The following MAP3K13 variants were observed in gnomAD, a reference collection of about 807,000 sequenced individuals.
The protein encoded by MAP3K13 is leucine zipper-bearing kinase.
A neutral mutation model predicts 104.0 loss-of-function variants in MAP3K13; 52 were observed. The observed-to-expected ratio is 0.50, with a 90% confidence interval of 0.40 to 0.63. MAP3K13 has a LOEUF of 0.63. Among genes scored for constraint, MAP3K13 ranks in the 20% least tolerant of loss-of-function variants. The probability of loss-of-function intolerance (pLI) is 0.00; values close to 1 mark genes in which losing one functional copy is unlikely to be tolerated. For synonymous variants in MAP3K13, 394 were observed against 442.2 expected (o/e 0.89, Z 1.37); for missense variants, 914 against 1,218.5 (o/e 0.75, Z 3.72).
intron 2 of MAP3K13, among the ~76,000 whole-genome samples, chr3:185,293,826 G>C (rs920690805): frequency 6.6e-6 from 1 of 151,970 alleles, no homozygotes; most frequent in Non-Finnish European, 1.5e-5. Flanking sequence ...GCTACTACTC[G>C]TGACAAAGAA....
chr3:185,447,980 A>AG, intron 5 of MAP3K13, 33 bp downstream of exon 5: 1 of 1,588,762 alleles, frequency 6.3e-7, no homozygotes, highest in Non-Finnish European at 8.6e-7. Flanking sequence ...CCAACTAAAA[A>AG]GCCTTTTCCC....
At chr3:185,381,353 G>A (rs1724713446) in intron 1 of MAP3K13, among the ~76,000 whole-genome samples, 1 of 152,198 alleles carries the variant, frequency 6.6e-6, no homozygotes, top group Admixed American at 6.5e-5. Flanking sequence ...GGGAAATATA[G>A]TTAGTTAATC....
chr3:185,388,557 T>C (rs1577497066), intron 1 of MAP3K13, among the ~76,000 whole-genome samples: 1 of 152,122 alleles, frequency 6.6e-6, no homozygotes, highest in South Asian at 2.1e-4. Context: ...TGGACAGCTA[T>C]CACATGCTCA....
At chr3:185,284,248 T>G (rs928888525) in intron 1 of MAP3K13, among the ~76,000 whole-genome samples, 20 of 150,956 alleles carry the variant, frequency 1.3e-4, no homozygotes, top group African/African-American at 5.0e-4. Context: ...TGAGAATATA[T>G]CTTATATTTT....
intron 10 of MAP3K13, among the ~76,000 whole-genome samples, chr3:185,471,831 C>G (rs1365823501): frequency 6.6e-6 from 1 of 152,154 alleles, no homozygotes; most frequent in African/African-American, 2.4e-5. Flanking sequence ...TTTAATTGTG[C>G]TTTGTCTTCA....
intron 13 of MAP3K13, 84 bp downstream of exon 13, chr3:185,480,613 A>T: frequency 1.4e-6 from 2 of 1,381,696 alleles, no homozygotes; most frequent in Non-Finnish European, 2.0e-6. Context: ...TACAATTTTC[A>T]TTTAATAATA....
At chr3:185,459,451 A>C (rs924058500) in intron 7 of MAP3K13, among the ~76,000 whole-genome samples, 1 of 152,096 alleles carries the variant, frequency 6.6e-6, no homozygotes, top group Non-Finnish European at 1.5e-5. Flanking sequence ...AACCATTAAA[A>C]AAAATTTTTT....
At chr3:185,451,879 A>G (rs1044386344) in intron 7 of MAP3K13, among the ~76,000 whole-genome samples, 7 of 151,888 alleles carry the variant, frequency 4.6e-5, no homozygotes, top group Admixed American at 3.9e-4. Flanking sequence ...AAAAAAAAAA[A>G]AAAGAAAAAA....
intron 3 of MAP3K13, among the ~76,000 whole-genome samples, chr3:185,438,136 AT>A (rs979436067): frequency 2.0e-5 from 3 of 151,642 alleles, no homozygotes; most frequent in Non-Finnish European, 2.9e-5. Flanking sequence ...GTAAAAAAAA[AT>A]TTTTTTTAAT....
At chr3:185,479,940 G>A (rs1330219316) in intron 12 of MAP3K13, among the ~76,000 whole-genome samples, 2 of 152,170 alleles carry the variant, frequency 1.3e-5, no homozygotes, top group South Asian at 2.1e-4. Flanking sequence ...AATCCTATTT[G>A]ATCAGGACCT....
intron 1 of MAP3K13, among the ~76,000 whole-genome samples, chr3:185,402,978 G>A (rs546565488): frequency 6.6e-5 from 10 of 152,184 alleles, no homozygotes; most frequent in African/African-American, 2.2e-4. Context: ...TATATCTGAC[G>A]CATGCAAAAG....
intron 9 of MAP3K13, 53 bp from the exon 10 acceptor site, chr3:185,466,773 C>G: frequency 6.2e-7 from 1 of 1,604,370 alleles, no homozygotes; most frequent in South Asian, 1.1e-5. Flanking sequence ...AATATTCTGC[C>G]TATCCTTTCT....
At chr3:185,307,002 TG>T (rs540127291) in intron 2 of MAP3K13, among the ~76,000 whole-genome samples, 98 of 152,338 alleles carry the variant, frequency 6.4e-4, no homozygotes, top group Non-Finnish European at 1.1e-3. Flanking sequence ...GCAGTTTGAA[TG>T]TATCATACCA....
chr3:185,405,573 T>C (rs954994800), intron 1 of MAP3K13, among the ~76,000 whole-genome samples: 1 of 152,244 alleles, frequency 6.6e-6, no homozygotes, highest in Non-Finnish European at 1.5e-5. Flanking sequence ...TTGGCCAGAA[T>C]ATATGTCTTC....
chr3:185,443,541 A>G lies in MAP3K13; in HGVS notation c.756A>G (p.Thr252=), dbSNP rs1715440202. 6.2e-7 allele frequency: 1 copy of G among 1,613,964 alleles called. No individual in the cohort carries two copies. The highest frequency in any genetic ancestry group is 8.5e-7 in the Non-Finnish European group (1 of 1,179,960). ...TCTTACGAGCTGGCAGGAAGATCAC[A>G]CCTCGATTGCTAGTAGACTGGTCCA... ...YEVLRAGRKI[T]PRLLVDWSTG... Residue 252 remains threonine (T), a synonymous_variant, in exon 4 of 14, where the codon ACA becomes ACG. Coordinates refer to ENST00000265026, the MANE Select transcript of MAP3K13 (RefSeq NM_004721.5).
In MAP3K13 at chr3:185,477,355, A is replaced by T. The variant is rs780800089; in HGVS notation, c.2460A>T (p.Glu820Asp). 1 of 1,612,690 alleles carries T rather than the reference A, an allele frequency of 6.2e-7. No homozygotes were observed. The highest frequency in any genetic ancestry group is 1.7e-5 in the Admixed American group (1 of 60,026). ...GAGATGACTCCTCAGAAGAGGAAGAAGGGGAAGTAGATAGTGAAGTTGAAT... is the reference window on the plus strand; with the variant it reads ...GAGATGACTCCTCAGAAGAGGAAGATGGGGAAGTAGATAGTGAAGTTGAAT... ...KSGDDSSEEE[E>D]GEVDSEVEFP... is the part of the protein sequence containing the mutation. The change falls in exon 12 of 14, where the codon GAA becomes GAT. Residue 820 changes from glutamate to aspartate, a missense_variant. Transcript: ENST00000265026.
intron 2 of MAP3K13, among the ~76,000 whole-genome samples, chr3:185,338,056 C>T (rs539281947): frequency 6.6e-6 from 1 of 152,230 alleles, no homozygotes; most frequent in African/African-American, 2.4e-5. Flanking sequence ...TGGCCAGTCG[C>T]AGCGGCTCAC....
At chr3:185,476,214 C>G (rs1419790736) in intron 11 of MAP3K13, among the ~76,000 whole-genome samples, 1 of 152,056 alleles carries the variant, frequency 6.6e-6, no homozygotes, top group African/African-American at 2.4e-5. Context: ...AGAACACACA[C>G]CTTGTACATT....
At chr3:185,433,858 T>TA (rs1420045305) in intron 2 of MAP3K13, among the ~76,000 whole-genome samples, 1 of 152,164 alleles carries the variant, frequency 6.6e-6, no homozygotes, top group Non-Finnish European at 1.5e-5. Flanking sequence ...TATCATCTTA[T>TA]AAAAATACTA....
Sources: allele counts gnomAD v4.1 joint callset (sites outside exome capture counted in the v4.1 genomes callset), GRCh38; gene constraint gnomAD v4.1.1; transcripts MANE v1.5; gene names NCBI Gene and HGNC (gene_info 2026-07-23, HGNC 2026-07-21).